Variants in TMPRSS11F observed in about 807,000 individuals in gnomAD.
TMPRSS11F encodes the protein transmembrane serine protease 11F, also known as transmembrane protease serine 11F.
In TMPRSS11F, 47 loss-of-function variants were observed where a neutral mutation model predicts 60.2. The observed-to-expected ratio is 0.78, with a 90% CI of 0.62 to 1.00. The LOEUF is 1.00. TMPRSS11F is among the 50% of genes least tolerant of loss of function. TMPRSS11F has a pLI of 0.00. For missense variants in TMPRSS11F, 519 were observed against 522.9 expected (o/e 0.99, Z 0.07); for synonymous variants, 166 against 167.3 (o/e 0.99, Z 0.06).
intron 2 of TMPRSS11F, among the ~76,000 whole-genome samples, chr4:68,093,555 A>C (rs10023211): frequency 0.38 from 57,564 of 151,548 alleles, 12,728 homozygotes; most frequent in Non-Finnish European, 0.52. Flanking sequence ...AATGGGATCT[A>C]ATTAAACTAA....
intron 5 of TMPRSS11F, among the ~76,000 whole-genome samples, chr4:68,070,347 G>A (rs1197965935): frequency 6.6e-6 from 1 of 152,132 alleles, no homozygotes; most frequent in African/African-American, 2.4e-5. Context: ...ATCTGAGGCA[G>A]CAACCTCCAA....
chr4:68,126,673 C>T (rs1724718860), intron 1 of TMPRSS11F, among the ~76,000 whole-genome samples: 1 of 152,142 alleles, frequency 6.6e-6, no homozygotes, highest in African/African-American at 2.4e-5. Flanking sequence ...ATGTGACAGG[C>T]AATGTGTTTG....
chr4:68,115,057 A>C (rs1185117441), intron 1 of TMPRSS11F, among the ~76,000 whole-genome samples: 1 of 151,190 alleles, frequency 6.6e-6, no homozygotes, highest in Non-Finnish European at 1.5e-5. Context: ...GGGATAGAAG[A>C]AAAGTTTCCC....
At chr4:68,109,083 C>T (rs529154297) in intron 1 of TMPRSS11F, among the ~76,000 whole-genome samples, 6 of 152,178 alleles carry the variant, frequency 3.9e-5, no homozygotes, top group Non-Finnish European at 7.4e-5. Context: ...GGCATGCATT[C>T]CCAAAGTTTG....
intron 7 of TMPRSS11F, among the ~76,000 whole-genome samples, chr4:68,066,044 G>C (rs1439311728): frequency 3.4e-5 from 5 of 147,580 alleles, no homozygotes; most frequent in African/African-American, 1.3e-4. Flanking sequence ...TGTTGAACCT[G>C]GGAGGTGGAG....
intron 8 of TMPRSS11F, chr4:68,062,538 G>T: frequency 1.3e-6 from 1 of 760,292 alleles, no homozygotes. Flanking sequence ...TTTGCTTATT[G>T]TATTCATCGT....
intron 5 of TMPRSS11F, 96 bp downstream of exon 5, chr4:68,072,227 A>AT (rs56655246): frequency 0.012 from 763 of 62,720 alleles, 34 homozygotes; most frequent in African/African-American, 0.014. Context: ...CTTCCAAAAA[A>AT]AAAATATATA....
intron 3 of TMPRSS11F, among the ~76,000 whole-genome samples, chr4:68,087,665 T>G (rs139715226): frequency 6.6e-6 from 1 of 151,872 alleles, no homozygotes; most frequent in Non-Finnish European, 1.5e-5. Flanking sequence ...AGTTTCAGGA[T>G]ACAAAAAATC....
chr4:68,092,891 A>T (rs1368790774), intron 2 of TMPRSS11F, among the ~76,000 whole-genome samples: 1 of 139,438 alleles, frequency 7.2e-6, no homozygotes, highest in East Asian at 2.5e-4. Context: ...TGCTTTTAAA[A>T]GTGCTAAAAA....
intron 1 of TMPRSS11F, among the ~76,000 whole-genome samples, chr4:68,110,292 A>G (rs1724387196): frequency 6.6e-6 from 1 of 152,190 alleles, no homozygotes; most frequent in Non-Finnish European, 1.5e-5. Context: ...AACAAATACA[A>G]TATTCATTTT....
chr4:68,120,439 A>G (rs1392152241), intron 1 of TMPRSS11F, among the ~76,000 whole-genome samples: 1 of 139,542 alleles, frequency 7.2e-6, no homozygotes, highest in East Asian at 2.1e-4. Flanking sequence ...CCCAGGCTGG[A>G]GTGCAGTGGC....
At chr4:68,068,845 A>T in intron 6 of TMPRSS11F, 26 bp from the exon 7 acceptor site, 1 of 1,610,726 alleles carries the variant, frequency 6.2e-7, no homozygotes, top group Admixed American at 1.7e-5. Flanking sequence ...ATGATCATTC[A>T]TATTCATAAA....
chr4:68,096,275 A>G (rs1163167724), intron 2 of TMPRSS11F, among the ~76,000 whole-genome samples: 2 of 152,218 alleles, frequency 1.3e-5, no homozygotes, highest in Non-Finnish European at 2.9e-5. Flanking sequence ...TTTCTCTTTG[A>G]GGAAATAATC....
At chr4:68,080,483 G>A (rs963504315) in intron 3 of TMPRSS11F, 4 of 152,240 alleles carry the variant, frequency 2.6e-5, no homozygotes, top group Non-Finnish European at 5.9e-5. Flanking sequence ...CTTCTCCAGA[G>A]AATTGTCCTT....
At chr4:68,059,008 G>A (rs1382596307) in intron 9 of TMPRSS11F, among the ~76,000 whole-genome samples, 1 of 152,136 alleles carries the variant, frequency 6.6e-6, no homozygotes, top group Non-Finnish European at 1.5e-5. Flanking sequence ...AAGAAAACTT[G>A]TTTCAGCTGT....
chr4:68,095,150 T>G (rs1162871404), intron 2 of TMPRSS11F, among the ~76,000 whole-genome samples: 1 of 151,186 alleles, frequency 6.6e-6, no homozygotes, highest in African/African-American at 2.4e-5. Flanking sequence ...ATATACATCA[T>G]CATAATACAT....
chr4:68,095,289 T>G (rs1265375541), intron 2 of TMPRSS11F, among the ~76,000 whole-genome samples: 2 of 152,014 alleles, frequency 1.3e-5, no homozygotes, highest in Non-Finnish European at 2.9e-5. Context: ...ACAATGAATA[T>G]ATATATCCAG....
At chr4:68,093,548 G>A (rs1723996949) in intron 2 of TMPRSS11F, among the ~76,000 whole-genome samples, 1 of 152,032 alleles carries the variant, frequency 6.6e-6, no homozygotes, top group African/African-American at 2.4e-5. Context: ...ATTGACAAAT[G>A]GGATCTAATT....
chr4:68,072,226 A>ATATATATATATATATATATATATCTTAC (rs61224244), intron 5 of TMPRSS11F, 97 bp downstream of exon 5: 2 of 79,248 alleles, frequency 2.5e-5, no homozygotes, highest in African/African-American at 9.3e-5. Flanking sequence ...TCTTCCAAAA[A>ATATATATATATATATATATATATCTTAC]AAAAATATAT....
Sources: allele counts gnomAD v4.1 joint callset (sites outside exome capture counted in the v4.1 genomes callset), GRCh38; gene constraint gnomAD v4.1.1; transcripts MANE v1.5; gene names NCBI Gene and HGNC (gene_info 2026-07-23, HGNC 2026-07-21).